CTNNA2: variants seen among roughly 807,000 people sequenced by gnomAD.
CTNNA2 encodes catenin alpha-2.
A neutral mutation model predicts 101.0 loss-of-function variants in CTNNA2; 42 were observed. The ratio of observed to expected loss-of-function variants is 0.42; its 90% CI spans 0.32 to 0.54. The LOEUF (loss-of-function observed/expected upper bound fraction) is 0.54. Among genes scored for constraint, CTNNA2 ranks in the 20% least tolerant of loss-of-function variants. The probability of loss-of-function intolerance (pLI) is 0.14; values close to 1 mark genes in which losing one functional copy is unlikely to be tolerated. For synonymous variants in CTNNA2, 450 were observed against 456.4 expected, an observed-to-expected ratio of 0.99 and a Z score of 0.18; for missense variants, 871 against 1,223.1, an observed-to-expected ratio of 0.71 and a Z score of 4.29.
intron 9 of CTNNA2, among the ~76,000 whole-genome samples, chr2:80,477,080 T>C (rs944606773): frequency 3.9e-5 from 6 of 152,190 alleles, no homozygotes; most frequent in Admixed American, 1.3e-4. Flanking sequence ...GCCTAGAGTT[T>C]ATAGATAATC....
At chr2:79,252,929 G>C (rs760751471) in intron 2 of CTNNA2, among the ~76,000 whole-genome samples, 1 of 151,948 alleles carries the variant, frequency 6.6e-6, no homozygotes, top group African/African-American at 2.4e-5. Flanking sequence ...CCAATTCCTA[G>C]TTCTCTTCTC....
At chr2:80,249,761 C>T (rs952230573) in intron 7 of CTNNA2, among the ~76,000 whole-genome samples, 8 of 152,168 alleles carry the variant, frequency 5.3e-5, no homozygotes, top group East Asian at 3.9e-4. Context: ...GATCCATATG[C>T]GTGCAATTTC....
chr2:79,602,060 G>A (rs1677588038), intron 1 of CTNNA2, among the ~76,000 whole-genome samples: 1 of 150,978 alleles, frequency 6.6e-6, no homozygotes, highest in Non-Finnish European at 1.5e-5. Context: ...AGTTCTGTGG[G>A]TATTTGTGTT....
chr2:80,597,537 A>C (rs770475795), intron 15 of CTNNA2, among the ~76,000 whole-genome samples: 15 of 152,210 alleles, frequency 9.9e-5, no homozygotes, highest in Non-Finnish European at 1.8e-4. Flanking sequence ...GTGAACAGGC[A>C]ACCTACAGAA....
chr2:79,785,576 A>G (rs911036925), intron 3 of CTNNA2, among the ~76,000 whole-genome samples: 12 of 152,092 alleles, frequency 7.9e-5, no homozygotes, highest in East Asian at 7.7e-4. Flanking sequence ...AAATGATTCT[A>G]TGAAAAGCTG....
chr2:79,960,943 G>T (rs577255461), intron 7 of CTNNA2, among the ~76,000 whole-genome samples: 1 of 152,204 alleles, frequency 6.6e-6, no homozygotes, highest in Non-Finnish European at 1.5e-5. Flanking sequence ...GGGTGATACA[G>T]TGACCTTTAC....
intron 7 of CTNNA2, among the ~76,000 whole-genome samples, chr2:80,025,017 G>T (rs947443753): frequency 5.3e-5 from 8 of 152,132 alleles, no homozygotes; most frequent in Admixed American, 5.2e-4. Flanking sequence ...CCTCGAGTTC[G>T]ACCATCCCCG....
chr2:80,351,551 T>C (rs1271569038), intron 7 of CTNNA2, among the ~76,000 whole-genome samples: 1 of 152,144 alleles, frequency 6.6e-6, no homozygotes, highest in Non-Finnish European at 1.5e-5. Flanking sequence ...TTTAGAGCAA[T>C]CAGTTTAAAT....
chr2:80,189,805 C>T (rs1229471542), intron 7 of CTNNA2, among the ~76,000 whole-genome samples: 1 of 151,884 alleles, frequency 6.6e-6, no homozygotes, highest in African/African-American at 2.4e-5. Flanking sequence ...AAATATTTCC[C>T]CATAAGAAAA....
chr2:79,626,997 T>C (rs1230133250), intron 1 of CTNNA2, among the ~76,000 whole-genome samples: 2 of 152,212 alleles, frequency 1.3e-5, no homozygotes, highest in African/African-American at 4.8e-5. Flanking sequence ...GAAGTATAAT[T>C]AGATTCAGGT....
At position 80,602,672 on chromosome 2, in the gene CTNNA2, A is replaced by T. The variant is rs537512086; in HGVS notation, c.2190-1402A>T. ...CGCTAATAAAAATATGTTAGGGAAT[A>T]GCAAACAGATTGTCACAGAATGTTT... On this transcript the variant is annotated intron_variant, in intron 15 of 18. Coordinates refer to ENST00000402739, the MANE Select transcript of CTNNA2 (RefSeq NM_001282597.3). 2.9e-3 allele frequency among the ~76,000 whole-genome samples: 437 copies of T among 152,262 alleles called. 3 individuals carry two copies. Among genetic ancestry groups the T allele is most frequent in the Non-Finnish European group, 2.8e-3 (190 of 67,992 alleles).
chr2:79,914,166 CAAAAAAAAAAAAAA>C (rs55675912), intron 7 of CTNNA2, among the ~76,000 whole-genome samples: 3 of 90,624 alleles, frequency 3.3e-5, no homozygotes, highest in African/African-American at 8.3e-5. Context: ...GACTCCGTCT[CAAAAAAAAAAAAAA>C]AAAAAAAAAG....
At chr2:79,809,988 A>G (rs1676881596) in intron 3 of CTNNA2, among the ~76,000 whole-genome samples, 1 of 152,190 alleles carries the variant, frequency 6.6e-6, no homozygotes, top group Non-Finnish European at 1.5e-5. Flanking sequence ...TAGTAAAACC[A>G]TCGACACTAT....
intron 7 of CTNNA2, among the ~76,000 whole-genome samples, chr2:80,101,918 C>T (rs906132489): frequency 2.6e-5 from 4 of 152,128 alleles, no homozygotes; most frequent in East Asian, 1.9e-4. Flanking sequence ...GGTGACTGAA[C>T]GTCCTAGACT....
intron 3 of CTNNA2, among the ~76,000 whole-genome samples, chr2:79,793,888 G>GCACACACACACACACA (rs71385299): frequency 3.7e-4 from 53 of 142,724 alleles, no homozygotes; most frequent in African/African-American, 1.1e-3. Flanking sequence ...ACACACTCAT[G>GCACACACACACACACA]CACACACACA....
In CTNNA2 at chr2:80,141,855, ATTT is replaced by A. The variant is rs34748982; in HGVS notation, c.1056+232072_1056+232074del. 4.7e-3 allele frequency among the ~76,000 whole-genome samples: 671 copies of A among 143,476 alleles called. 1 individual carries two copies. Among genetic ancestry groups the A allele is most frequent in the East Asian group, 0.022 (103 of 4,786 alleles). The allele number at this position is 143,476 out of a possible 152,430, so 94.1% of individuals were successfully genotyped here. On this transcript the variant is annotated intron_variant, in intron 7 of 18. Transcript: ENST00000402739. The stretch of plus-strand genomic sequence containing the variant: ...GTTCCCTACAGGAACTAAAGATAGC[ATTT>A]TTTTTTTTTTTTTGAGACAGGGTCT...
At chr2:79,900,655 G>T (rs1685011215) in intron 6 of CTNNA2, among the ~76,000 whole-genome samples, 1 of 152,128 alleles carries the variant, frequency 6.6e-6, no homozygotes, top group Admixed American at 6.6e-5. Context: ...GAGGAAGAAG[G>T]AAGGAAGCTC....
chr2:80,433,509 C>G (rs1304011530), intron 9 of CTNNA2, among the ~76,000 whole-genome samples: 2 of 151,954 alleles, frequency 1.3e-5, no homozygotes, highest in African/African-American at 4.8e-5. Flanking sequence ...TTCAGGCTGT[C>G]GCCGCAGGGT....
intron 3 of CTNNA2, among the ~76,000 whole-genome samples, chr2:79,830,755 T>C (rs1198381088): frequency 6.6e-6 from 1 of 152,144 alleles, no homozygotes; most frequent in Non-Finnish European, 1.5e-5. Context: ...GGGCCTGGTG[T>C]TTATGGAGGC....
Sources: allele counts gnomAD v4.1 joint callset (sites outside exome capture counted in the v4.1 genomes callset), GRCh38; gene constraint gnomAD v4.1.1; transcripts MANE v1.5; gene names NCBI Gene and HGNC (gene_info 2026-07-23, HGNC 2026-07-21).